The following RTN3 variants were observed in gnomAD, a reference collection of about 807,000 sequenced individuals.
The protein encoded by RTN3 is reticulon-3.
A neutral mutation model predicts 77.8 loss-of-function variants in RTN3; 49 were observed. The ratio of observed to expected loss-of-function variants is 0.63; its 90% confidence interval spans 0.50 to 0.80. The LOEUF is 0.80. Ranked by LOEUF, RTN3 falls within the 30% of genes least tolerant of loss-of-function variation. The pLI, the probability that RTN3 is intolerant of heterozygous loss-of-function variation, is 0.00. For synonymous variants in RTN3, 464 were observed against 446.9 expected, an observed-to-expected ratio of 1.04 and a Z score of -0.48; for missense variants, 1,236 against 1,211.9, an observed-to-expected ratio of 1.02 and a Z score of -0.29.
At chr11:63,704,400 C>T (rs961244398) in intron 1 of RTN3, among the ~76,000 whole-genome samples, 3 of 152,158 alleles carry the variant, frequency 2.0e-5, no homozygotes, top group Non-Finnish European at 4.4e-5. Context: ...GTCAACTTTG[C>T]ATATTTGCCA....
At chr11:63,710,704 A>G (rs563380400) in intron 2 of RTN3, among the ~76,000 whole-genome samples, 2 of 146,320 alleles carry the variant, frequency 1.4e-5, no homozygotes, top group Non-Finnish European at 3.0e-5. Context: ...ACACATACCA[A>G]ATGTATTAAG....
At chr11:63,717,335 A>G (rs1323994669) in intron 2 of RTN3, among the ~76,000 whole-genome samples, 1 of 141,336 alleles carries the variant, frequency 7.1e-6, no homozygotes, top group Non-Finnish European at 1.5e-5. Flanking sequence ...TTTGAGAAGG[A>G]TATTTTCTAT....
In RTN3 at chr11:63,752,634, G is replaced by A. The variant is rs1359135808; in HGVS notation, c.2866G>A (p.Asp956Asn). 1.2e-6 allele frequency: 2 copies of A among 1,613,858 alleles called. No homozygotes were observed. Among genetic ancestry groups the A allele is most frequent in the Non-Finnish European group, 1.7e-6 (2 of 1,179,974 alleles). ...TCTCTTTCTGGTAGAAGATCTGGTT[G>A]ACTCCTTGAAGGTTAGTTGTTTCTG... Reference protein sequence around the residue: ...IRLFLVEDLVDSLKLAVFMWL... With the variant: ...IRLFLVEDLVNSLKLAVFMWL... Residue 956 changes from aspartate to asparagine, a missense_variant, in exon 5 of 9, where the codon GAC (aspartate) becomes AAC (asparagine). Asp to Asn is a conservative substitution (Grantham distance 23). Coordinates refer to ENST00000377819, the MANE Select transcript of RTN3 (RefSeq NM_001265589.2).
chr11:63,735,550 T>TTCCCTCTCTCTC (rs2013034094), intron 3 of RTN3, among the ~76,000 whole-genome samples: 4 of 42,734 alleles, frequency 9.4e-5, no homozygotes, highest in Admixed American at 3.7e-4. Flanking sequence ...ATTCTAACAT[T>TTCCCTCTCTCTC]TCTCTCTCTC....
chr11:63,720,274 C>T lies in RTN3; in HGVS notation c.1772C>T (p.Ser591Phe). 1 of 1,613,640 alleles carries T rather than the reference C, an allele frequency of 6.2e-7. No homozygotes were observed. The highest frequency in any genetic ancestry group is 2.2e-5 in the East Asian group (1 of 44,872). ...ACSKVPDTNV[S>F]LEDVSEVAPE... ...TCAAAAGTACCCGATACGAATGTCTCCTTAGAAGATGTGAGTGAAGTTGCT... is the reference window on the plus strand; with the variant it reads ...TCAAAAGTACCCGATACGAATGTCTTCTTAGAAGATGTGAGTGAAGTTGCT... Residue 591 changes from serine (S) to phenylalanine (F), a missense_variant, in exon 3 of 9, where the codon TCC becomes TTC. Ser to Phe is a radical substitution (Grantham distance 155, BLOSUM62 -2). This residue lies in a region of RTN3 where 1,056 missense variants were observed against 990.4 expected (regional missense o/e 1.07). Coordinates refer to ENST00000377819, the MANE Select transcript of RTN3 (RefSeq NM_001265589.2).
At chr11:63,696,465 C>A (rs61928203) in intron 1 of RTN3, among the ~76,000 whole-genome samples, 3,969 of 150,310 alleles carry the variant, frequency 0.026, 180 homozygotes, top group African/African-American at 0.092. Context: ...CCCAGCACTT[C>A]GGGAGGCTAA....
intron 1 of RTN3, among the ~76,000 whole-genome samples, chr11:63,684,953 T>C (rs547804500): frequency 2.6e-5 from 4 of 151,142 alleles, no homozygotes; most frequent in Non-Finnish European, 5.9e-5. Context: ...AGATATGGGG[T>C]TTTGCCATGT....
intron 6 of RTN3, 44 bp from the exon 7 acceptor site, chr11:63,753,618 G>C (rs749887335): frequency 8.4e-6 from 13 of 1,545,994 alleles, no homozygotes; most frequent in Non-Finnish European, 1.1e-5. Context: ...AGATGTGACT[G>C]TCTCTCATAT....
intron 2 of RTN3, among the ~76,000 whole-genome samples, chr11:63,715,119 G>A (rs571455676): frequency 6.6e-6 from 1 of 152,220 alleles, no homozygotes; most frequent in African/African-American, 2.4e-5. Context: ...TGTCACCACT[G>A]TATTATTGTC....
intron 1 of RTN3, among the ~76,000 whole-genome samples, chr11:63,694,624 AT>A (rs1469955348): frequency 8.6e-5 from 13 of 150,892 alleles, no homozygotes; most frequent in African/African-American, 3.2e-4. Flanking sequence ...AGGCGTGGCT[AT>A]TTTTTGTATT....
chr11:63,733,077 G>T (rs549083984), intron 3 of RTN3, among the ~76,000 whole-genome samples: 31 of 152,240 alleles, frequency 2.0e-4, no homozygotes, highest in Non-Finnish European at 3.8e-4. Flanking sequence ...CACTTTGGGA[G>T]GCCGAGGCAG....
chr11:63,705,557 G>A (rs573150360), intron 2 of RTN3, among the ~76,000 whole-genome samples: 16 of 152,306 alleles, frequency 1.1e-4, no homozygotes, highest in Non-Finnish European at 2.2e-4. Context: ...TATTGTTTTG[G>A]AGCTATGAAA....
In RTN3 at chr11:63,753,116, C is replaced by T. The variant is rs745389818; in HGVS notation, c.2925C>T (p.Asn975=). The T allele has an allele frequency of 1.2e-5, 20 of 1,613,934 alleles. No homozygotes were observed. Among genetic ancestry groups the T allele is most frequent in the South Asian group, 3.3e-5 (3 of 91,082 alleles). The change falls in exon 6 of 9, where the codon AAC becomes AAT. Residue 975 remains asparagine, a synonymous_variant. Transcript: ENST00000377819. Reference sequence around the variant, plus strand: ...TGACCTATGTTGGTGCTGTTTTTAACGGAATCACCCTTCTAATTCTTGGTA... The same window carrying T: ...TGACCTATGTTGGTGCTGTTTTTAATGGAATCACCCTTCTAATTCTTGGTA... The part of the protein sequence containing the change: ...WLMTYVGAVF[N]GITLLILAEL...
At chr11:63,722,105 A>G (rs1016754927) in intron 3 of RTN3, among the ~76,000 whole-genome samples, 4 of 152,152 alleles carry the variant, frequency 2.6e-5, no homozygotes, top group African/African-American at 9.7e-5. Flanking sequence ...GGAAAGTACA[A>G]GAAAAAAAAA....
At chr11:63,682,811 A>T (rs1231404436) in intron 1 of RTN3, among the ~76,000 whole-genome samples, 2 of 152,094 alleles carry the variant, frequency 1.3e-5, no homozygotes, top group Non-Finnish European at 2.9e-5. Context: ...CTTATGCAGA[A>T]ATCTGCAGTG....
chr11:63,708,245 T>G (rs868799622), intron 2 of RTN3, among the ~76,000 whole-genome samples: 1 of 152,194 alleles, frequency 6.6e-6, no homozygotes, highest in South Asian at 2.1e-4. Flanking sequence ...ACTAATTTCT[T>G]TGGCTTCATA....
chr11:63,682,008 A>G (rs1482532794), intron 1 of RTN3, among the ~76,000 whole-genome samples: 1 of 152,220 alleles, frequency 6.6e-6, no homozygotes, highest in Non-Finnish European at 1.5e-5. Flanking sequence ...GGGCGGGGAG[A>G]TAGTCCAGTG....
chr11:63,693,541 T>C (rs2134656324), intron 1 of RTN3, among the ~76,000 whole-genome samples: 1 of 152,310 alleles, frequency 6.6e-6, no homozygotes, highest in Non-Finnish European at 1.5e-5. Context: ...GTCAAATTCA[T>C]TCATAAACTT....
At position 63,719,064 on chromosome 11, in the gene RTN3, A is replaced by G; in HGVS notation, c.562A>G (p.Asn188Asp). 6.2e-7 allele frequency: 1 copy of G among 1,614,162 alleles called. No homozygotes were observed. Among genetic ancestry groups the G allele is most frequent in the Non-Finnish European group, 8.5e-7 (1 of 1,180,020 alleles). The change falls in exon 3 of 9, where the codon AAT becomes GAT. Residue 188 changes from asparagine to aspartate, a missense_variant. Asn to Asp is a conservative substitution (Grantham distance 23, BLOSUM62 1). Coordinates refer to ENST00000377819, the MANE Select transcript of RTN3 (RefSeq NM_001265589.2). ...EQIDKETKNP[N>D]GVSSREAKTA... ...AATAGATAAAGAGACCAAGAACCCA[A>G]ATGGGGTATCAAGTAGGGAGGCTAA... is the stretch of plus-strand genomic sequence containing the variant.
Sources: allele counts gnomAD v4.1 joint callset (sites outside exome capture counted in the v4.1 genomes callset), GRCh38; gene constraint gnomAD v4.1.1; regional missense constraint gnomAD v4.1.1; transcripts MANE v1.5; gene names NCBI Gene and HGNC (gene_info 2026-07-23, HGNC 2026-07-21).